The following RABL6 variants were observed in gnomAD, a reference collection of about 807,000 sequenced individuals.
RABL6 encodes rab-like protein 6.
In RABL6, 28 loss-of-function variants were observed where a neutral mutation model predicts 72.9. The ratio of observed to expected loss-of-function variants is 0.38; its 90% CI spans 0.28 to 0.53. The LOEUF is 0.53. RABL6 is among the 20% of genes least tolerant of loss of function. The probability of loss-of-function intolerance (pLI) is 0.80; values close to 1 mark genes in which losing one functional copy is unlikely to be tolerated. For missense variants in RABL6, 1,029 were observed against 1,008.4 expected, an observed-to-expected ratio of 1.02 and a Z score of -0.28; for synonymous variants, 477 against 421.2, an observed-to-expected ratio of 1.13 and a Z score of -1.62.
intron 1 of RABL6, among the ~76,000 whole-genome samples, chr9:136,819,278 T>C (rs1478582370): frequency 7.2e-6 from 1 of 138,928 alleles, no homozygotes; most frequent in African/African-American, 2.7e-5. Flanking sequence ...GCCGAGATGG[T>C]GCCACTGCAC....
At chr9:136,833,808 G>A in intron 7 of RABL6, 1 of 1,550,538 alleles carries the variant, frequency 6.4e-7, no homozygotes, top group Non-Finnish European at 8.7e-7. Flanking sequence ...GACTGCTGCT[G>A]GGGACGTTTG....
Position 136,835,836 on chromosome 9 carries a change from A to G in RABL6, c.800A>G (p.Asn267Ser), listed in dbSNP as rs1848574731. 3 of 1,554,076 alleles carry G rather than the reference A, an allele frequency of 1.9e-6. No homozygotes were observed. The highest frequency in any genetic ancestry group is 1.7e-6 in the Non-Finnish European group (2 of 1,149,994). ...LSVQQETEDQ[N>S]YGIFLEMMEA... ...GTGCAGCAGGAGACGGAGGACCAGA[A>G]CTACGGCATGTATGTGGCCGGACCC... The change falls in exon 8 of 15, where the codon AAC becomes AGC. Residue 267 changes from asparagine (N) to serine (S), a missense_variant. This residue lies in a region of RABL6 where 434 missense variants were observed against 536.1 expected (regional missense o/e 0.81). Transcript: ENST00000311502.
chr9:136,823,737 C>T, intron 2 of RABL6, 78 bp downstream of exon 2: 3 of 1,463,644 alleles, frequency 2.0e-6, no homozygotes, highest in Non-Finnish European at 2.7e-6. Flanking sequence ...GAGATGCATT[C>T]CCCAGAGGGG....
intron 8 of RABL6, chr9:136,836,148 G>C: frequency 3.1e-6 from 1 of 319,350 alleles, no homozygotes; most frequent in Non-Finnish European, 5.8e-6. Flanking sequence ...CCCATCAGGG[G>C]CTTGGCCTCC....
rs977126053 is a variant in RABL6 at position 136,826,215 on chromosome 9, C to T, written c.313+389C>T. On this transcript the variant is annotated intron_variant, in intron 3 of 14. Transcript: ENST00000311502. This position sits in a 1 kb window ranked among gnomAD's most constrained non-coding sequence, Gnocchi z 4.9. ...AGCTGAGGACCCAGCTCCTGCGCTC[C>T]TGTCCCTGCCAGGGATCCCCAGCCA... Among the ~76,000 whole-genome samples the T allele has an allele frequency of 6.6e-6, 1 of 152,186 alleles. No homozygotes were observed. Among genetic ancestry groups the T allele is most frequent in the Non-Finnish European group, 1.5e-5 (1 of 68,010 alleles).
intron 1 of RABL6, chr9:136,813,530 A>T: frequency 2.3e-6 from 1 of 427,072 alleles, no homozygotes; most frequent in Non-Finnish European, 4.3e-6. Context: ...TTTTCTCTGC[A>T]TTAGCTTCTG....
intron 12 of RABL6, 53 bp from the exon 13 acceptor site, chr9:136,839,619 GCCTGGTTTGAGATCCCACAACC>G: frequency 6.5e-7 from 1 of 1,544,260 alleles, no homozygotes. Context: ...GGCCTTGCCG[GCCTGGTTTGAGATCCCACAACC>G]CCTGGGGGTG....
intron 1 of RABL6, among the ~76,000 whole-genome samples, chr9:136,811,583 A>AC (rs1019793797): frequency 6.0e-5 from 9 of 149,088 alleles, no homozygotes; most frequent in Non-Finnish European, 1.3e-4. Flanking sequence ...GTGCCACTGC[A>AC]CTCCAGCCTG....
intron 1 of RABL6, chr9:136,821,404 G>C: frequency 2.0e-5 from 20 of 985,488 alleles, no homozygotes; most frequent in Non-Finnish European, 2.4e-5. Flanking sequence ...GGCCGCCTGA[G>C]CGGTGCCGGG....
At chr9:136,813,287 C>T in intron 1 of RABL6, 2 of 604,590 alleles carry the variant, frequency 3.3e-6, no homozygotes, top group South Asian at 1.7e-5. Flanking sequence ...TAAGTGCATG[C>T]ACACCCTTTA....
At chr9:136,838,841 A>G (rs1848631377) in intron 10 of RABL6, 68 bp from the exon 11 acceptor site, 2 of 1,396,652 alleles carry the variant, frequency 1.4e-6, no homozygotes, top group African/African-American at 1.4e-5. Flanking sequence ...GCCTAGAACC[A>G]AGGCCCGTGA....
rs1336452585 is a variant in RABL6 at position 136,818,386 on chromosome 9, AAAAAAAAAAAAAAAAAAAC to A, written c.131-5138_131-5120del. ...TCAAAAAAAAAAAAAAAAAAAAAAA[AAAAAAAAAAAAAAAAAAAC>A]CAAAGGTAAGCAAAGAAACTGGTAA... On this transcript the variant is annotated intron_variant, in intron 1 of 14. Transcript: ENST00000311502. 3.4e-4 allele frequency among the ~76,000 whole-genome samples: 43 copies of A among 125,862 alleles called. 4 individuals carry two copies. Among genetic ancestry groups the A allele is most frequent in the East Asian group, 2.9e-3 (11 of 3,782 alleles). 82.6% of individuals were successfully genotyped at this position (125,862 alleles called of 152,430 possible). A position where few individuals can be genotyped will look rare whatever the true frequency, so the allele number is the denominator to read the frequency against.
In RABL6 at chr9:136,808,060, G is replaced by C; in HGVS notation, c.-137G>C. On this transcript the variant is annotated 5_prime_UTR_variant, in exon 1 of 15. Coordinates refer to ENST00000311502, the MANE Select transcript of RABL6 (RefSeq NM_024718.5). The stretch of plus-strand genomic sequence containing the variant: ...CCGCTCGGGGCTGCGCTCCGCCGCC[G>C]GGACCCCGGCCTCTGGCCGCGCCGG... The C allele has an allele frequency of 4.5e-6, 5 of 1,114,458 alleles. No individual in the cohort carries two copies. The highest frequency in any genetic ancestry group is 5.5e-6 in the Non-Finnish European group (5 of 907,642). The allele number at this position is 1,114,458 out of a possible 1,614,324, so 69.0% of individuals were successfully genotyped here.
At chr9:136,819,338 A>AG (rs1848191823) in intron 1 of RABL6, among the ~76,000 whole-genome samples, 1 of 151,770 alleles carries the variant, frequency 6.6e-6, no homozygotes, top group South Asian at 2.1e-4. Flanking sequence ...AAAAAAAAAA[A>AG]AAAAAGAAAA....
chr9:136,839,548 G>A, intron 12 of RABL6, 62 bp downstream of exon 12: 1 of 1,568,508 alleles, frequency 6.4e-7, no homozygotes, highest in Non-Finnish European at 8.7e-7. Context: ...CCACAGGCCT[G>A]ATCTGGGTGG....
At chr9:136,821,461 G>A in intron 1 of RABL6, 1 of 985,408 alleles carries the variant, frequency 1.0e-6, no homozygotes, top group Non-Finnish European at 1.2e-6. Context: ...CGGGGCCGCG[G>A]GACGGACGTG....
At chr9:136,834,570 C>T (rs1848549325) in intron 7 of RABL6, 1 of 741,664 alleles carries the variant, frequency 1.3e-6, no homozygotes, top group Non-Finnish European at 1.6e-6. Flanking sequence ...CCTCTGCCTC[C>T]TGGGTTCAAG....
At position 136,835,825 on chromosome 9, in the gene RABL6, G is replaced by T; in HGVS notation, c.789G>T (p.Thr263=). ...AGGAGCTGTCGGTGCAGCAGGAGAC[G>T]GAGGACCAGAACTACGGCATGTATG... ...TLEELSVQQE[T]EDQNYGIFLE... is the part of the protein sequence containing the mutation. Residue 263 remains threonine (T), a synonymous_variant, in exon 8 of 15, where the codon ACG becomes ACT. Coordinates refer to ENST00000311502, the MANE Select transcript of RABL6 (RefSeq NM_024718.5). 4 of 1,555,070 alleles carry T rather than the reference G, an allele frequency of 2.6e-6. No individual in the cohort carries two copies. The highest frequency in any genetic ancestry group is 3.5e-6 in the Non-Finnish European group (4 of 1,150,532).
chr9:136,831,474 C>T (rs1848472020), intron 5 of RABL6, among the ~76,000 whole-genome samples: 1 of 152,106 alleles, frequency 6.6e-6, no homozygotes, highest in Non-Finnish European at 1.5e-5. Flanking sequence ...AGGGGCGTTC[C>T]AGTGTGGGGT....
Sources: gnomAD v4.1 joint callset for allele counts (sites outside exome capture counted in the v4.1 genomes callset) on GRCh38, gnomAD v4.1.1 for gene constraint, gnomAD v4.1.1 regional missense constraint, Gnocchi (gnomAD v3.1) non-coding constraint, MANE v1.5 for transcripts, NCBI Gene and HGNC (gene_info 2026-07-23, HGNC 2026-07-21) for gene names.